Variants in KLF12 observed in about 807,000 individuals in gnomAD.
KLF12 encodes the protein Krueppel-like factor 12.
Under a neutral mutation model 37.8 loss-of-function variants are expected in KLF12, and 9 were observed. The ratio of observed to expected loss-of-function variants is 0.24; its 90% confidence interval spans 0.14 to 0.42. KLF12 has a LOEUF of 0.42. KLF12 is among the 10% of genes least tolerant of loss of function. The pLI is 1.00. For missense variants in KLF12, 411 were observed against 516.0 expected (o/e 0.80, Z 1.97); for synonymous variants, 208 against 202.1 (o/e 1.03, Z -0.25).
At chr13:73,841,228 G>A (rs1289606259) in intron 4 of KLF12, among the ~76,000 whole-genome samples, 6 of 152,082 alleles carry the variant, frequency 3.9e-5, no homozygotes, top group South Asian at 2.1e-4. Flanking sequence ...TCCTAAACGC[G>A]CCTGCTCTTC....
intron 3 of KLF12, among the ~76,000 whole-genome samples, chr13:73,926,837 A>T (rs1234766930): frequency 1.3e-5 from 2 of 151,924 alleles, no homozygotes; most frequent in Non-Finnish European, 2.9e-5. Flanking sequence ...GTAGAATTGT[A>T]TCATTTCAGT....
intron 6 of KLF12, among the ~76,000 whole-genome samples, chr13:73,732,079 C>G (rs537732367): frequency 8.2e-6 from 1 of 121,216 alleles, no homozygotes; most frequent in Non-Finnish European, 1.7e-5. Flanking sequence ...TAATTATTAA[C>G]CCTATTTTTT....
At chr13:74,304,279 A>T in the KLF12 span, among the ~76,000 whole-genome samples, 30 of 152,052 alleles carry the variant, frequency 2.0e-4, no homozygotes, top group Non-Finnish European at 3.7e-4. Flanking sequence ...TTTTGTGGAA[A>T]TTTTTTTTCT....
chr13:74,192,855 C>A, the KLF12 span, among the ~76,000 whole-genome samples: 1 of 152,164 alleles, frequency 6.6e-6, no homozygotes, highest in Admixed American at 6.5e-5. Flanking sequence ...AGTGTTTATT[C>A]ACCTTTCCCC....
chr13:74,274,436 T>C, the KLF12 span, among the ~76,000 whole-genome samples: 5 of 152,194 alleles, frequency 3.3e-5, no homozygotes, highest in Admixed American at 3.3e-4. Context: ...TCTTTCCACC[T>C]GTTCCTAATT....
the KLF12 span, among the ~76,000 whole-genome samples, chr13:74,299,188 T>C: frequency 6.6e-6 from 1 of 152,242 alleles, no homozygotes; most frequent in African/African-American, 2.4e-5. Context: ...ATGTCTGGAA[T>C]TGAGTGAATG....
the KLF12 span, among the ~76,000 whole-genome samples, chr13:74,181,960 AAC>A: frequency 6.6e-6 from 1 of 152,332 alleles, no homozygotes; most frequent in East Asian, 1.9e-4. Flanking sequence ...ATATATGCCT[AAC>A]ACACATATAT....
intron 7 of KLF12, among the ~76,000 whole-genome samples, chr13:73,714,161 G>A (rs185414183): frequency 5.9e-5 from 9 of 152,302 alleles, no homozygotes; most frequent in African/African-American, 2.2e-4. Flanking sequence ...AGAAAAGAGA[G>A]GCTGGGTGCA....
At chr13:74,055,700 C>T (rs920215142) in intron 1 of KLF12, among the ~76,000 whole-genome samples, 1 of 152,138 alleles carries the variant, frequency 6.6e-6, no homozygotes. Context: ...TTCCCTGTAA[C>T]ACTGGAAGGT....
chr13:73,758,333 G>C (rs1388692430), intron 6 of KLF12, among the ~76,000 whole-genome samples: 1 of 152,166 alleles, frequency 6.6e-6, no homozygotes, highest in East Asian at 1.9e-4. Context: ...CATGATTTCA[G>C]ACTGTGTGAA....
chr13:73,748,064 C>T (rs947499676), intron 6 of KLF12, among the ~76,000 whole-genome samples: 1 of 152,102 alleles, frequency 6.6e-6, no homozygotes, highest in Non-Finnish European at 1.5e-5. Flanking sequence ...GTGTTGAAAA[C>T]GATGAATTTG....
Position 73,689,294 on chromosome 13 carries a change from TG to T in KLF12, c.*6195del, listed in dbSNP as rs1394500307. On this transcript the variant is annotated 3_prime_UTR_variant, in exon 8 of 8. Transcript: ENST00000377669. ...AACATTGGGAGGAGAAAACAGTGGA[TG>T]TTTTTTTGAGGCCTGTGGTCTGAGT... 2 of 152,112 alleles carry T rather than the reference TG, an allele frequency of 1.3e-5. No homozygotes were observed. The highest frequency in any genetic ancestry group is 2.9e-5 in the Non-Finnish European group (2 of 68,038). The allele number at this position is 152,112 out of a possible 1,614,324, so 9.4% of individuals were successfully genotyped here. A position where few individuals can be genotyped will look rare whatever the true frequency, so the allele number is the denominator to read the frequency against.
At chr13:73,796,343 C>G (rs1594101100) in intron 5 of KLF12, among the ~76,000 whole-genome samples, 1 of 150,630 alleles carries the variant, frequency 6.6e-6, no homozygotes, top group Non-Finnish European at 1.5e-5. Flanking sequence ...CATAACTAAA[C>G]TAGATCTGTA....
At chr13:73,877,684 T>C (rs1006058272) in intron 3 of KLF12, among the ~76,000 whole-genome samples, 1 of 152,190 alleles carries the variant, frequency 6.6e-6, no homozygotes, top group Non-Finnish European at 1.5e-5. Flanking sequence ...CTGCTGGAAG[T>C]AGCATTTCTA....
chr13:73,811,656 T>G (rs1272987652), intron 5 of KLF12, among the ~76,000 whole-genome samples: 1 of 152,202 alleles, frequency 6.6e-6, no homozygotes, highest in Non-Finnish European at 1.5e-5. Context: ...ATAACTATTC[T>G]GATTTTCTTC....
chr13:73,696,382 T>C (rs898993909), intron 7 of KLF12, among the ~76,000 whole-genome samples: 1 of 152,298 alleles, frequency 6.6e-6, no homozygotes, highest in Non-Finnish European at 1.5e-5. Flanking sequence ...TGAAGAAGCA[T>C]GTAATTTGAC....
intron 6 of KLF12, among the ~76,000 whole-genome samples, chr13:73,739,001 G>A (rs111373830): frequency 0.019 from 2,818 of 152,224 alleles, 71 homozygotes; most frequent in African/African-American, 0.061. Context: ...TTGGAAGGCC[G>A]AGGTGGGTGG....
chr13:74,150,881 C>T, the KLF12 span, among the ~76,000 whole-genome samples: 1 of 152,178 alleles, frequency 6.6e-6, no homozygotes, highest in Non-Finnish European at 1.5e-5. Flanking sequence ...GATTTTATCA[C>T]AGTACCCAGA....
At chr13:73,898,797 C>T (rs1159023144) in intron 3 of KLF12, among the ~76,000 whole-genome samples, 2 of 152,180 alleles carry the variant, frequency 1.3e-5, no homozygotes, top group Non-Finnish European at 2.9e-5. Context: ...ATTATCCTTC[C>T]ATTTATCCAA....
Sources: gnomAD v4.1 joint callset for allele counts (sites outside exome capture counted in the v4.1 genomes callset) on GRCh38, gnomAD v4.1.1 for gene constraint, MANE v1.5 for transcripts, NCBI Gene and HGNC (gene_info 2026-07-23, HGNC 2026-07-21) for gene names.